TPP2: variants seen among roughly 807,000 people sequenced by gnomAD.
The protein encoded by TPP2 is tripeptidyl peptidase 2.
TPP2 carries 34 observed loss-of-function variants against 155.9 expected under a neutral mutation model. That is an observed-to-expected ratio of 0.22 (90% CI 0.17 to 0.29). The LOEUF (loss-of-function observed/expected upper bound fraction) is 0.29, where lower values mean the gene tolerates loss of function less well. Among genes scored for constraint, TPP2 ranks in the 10% least tolerant of loss-of-function variants. The probability of loss-of-function intolerance (pLI) is 1.00; values close to 1 mark genes in which losing one functional copy is unlikely to be tolerated. For synonymous variants in TPP2, 510 were observed against 529.4 expected (o/e 0.96, Z 0.50); for missense variants, 1,028 against 1,522.3 (o/e 0.68, Z 5.40).
chr13:102,635,818 AT>A lies in TPP2; in HGVS notation c.1509+117del. The A allele has an allele frequency of 1.5e-5, 12 of 782,064 alleles. No homozygotes were observed. In the South Asian group the frequency reaches 2.2e-4, roughly 14 times the overall value. 48.4% of individuals were successfully genotyped at this position (782,064 alleles called of 1,614,324 possible). The stretch of plus-strand genomic sequence containing the variant: ...ATTCAGTATATCTGAATTATGGATT[AT>A]ATGGCCATAGAACTACAAGCAAAAA... On this transcript the variant is annotated intron_variant, in intron 12 of 29. Transcript: ENST00000376052.
intron 10 of TPP2, among the ~76,000 whole-genome samples, chr13:102,633,163 C>T (rs1055403803): frequency 1.3e-5 from 2 of 152,158 alleles, no homozygotes; most frequent in African/African-American, 4.8e-5. Context: ...TCCTTCTTTA[C>T]TTGGGGCAGA....
At chr13:102,609,605 C>T (rs1880119124) in intron 2 of TPP2, among the ~76,000 whole-genome samples, 1 of 151,964 alleles carries the variant, frequency 6.6e-6, no homozygotes, top group South Asian at 2.1e-4. Context: ...CCATGTTGGC[C>T]AAGCTGGTCT....
intron 21 of TPP2, among the ~76,000 whole-genome samples, chr13:102,647,895 A>G (rs1028669850): frequency 6.6e-6 from 1 of 152,234 alleles, no homozygotes; most frequent in Non-Finnish European, 1.5e-5. Context: ...CTTAGATATT[A>G]CTGCAAAGAA....
chr13:102,625,070 G>A (rs569006452), intron 6 of TPP2, among the ~76,000 whole-genome samples: 38 of 151,492 alleles, frequency 2.5e-4, no homozygotes, highest in African/African-American at 8.7e-4. Context: ...ATGTTGGTCA[G>A]GCTAGTATCA....
Position 102,657,181 on chromosome 13 carries a change from A to G in TPP2, c.3117A>G (p.Arg1039=). 2.5e-6 allele frequency: 4 copies of G among 1,580,876 alleles called. No individual in the cohort carries two copies. Among genetic ancestry groups the G allele is most frequent in the Non-Finnish European group, 3.4e-6 (4 of 1,171,490 alleles). The change falls in exon 25 of 30, where the codon CGA becomes CGG. Residue 1039 remains arginine, a synonymous_variant. Transcript: ENST00000376052. The part of the protein sequence containing the change: ...DLKEEFTEAL[R]DLKIQWMTKL... Reference sequence around the variant, plus strand: ...AAGAAGAGTTTACTGAAGCATTACGAGATCTTAAAATTCAGTGGATGACAA... The same window carrying G: ...AAGAAGAGTTTACTGAAGCATTACGGGATCTTAAAATTCAGTGGATGACAA...
At chr13:102,623,163 T>G in intron 6 of TPP2, 123 bp downstream of exon 6, 1 of 1,054,898 alleles carries the variant, frequency 9.5e-7, no homozygotes, top group Non-Finnish European at 1.4e-6. Context: ...AAGGACTAGG[T>G]CCAGAATCAT....
intron 11 of TPP2, among the ~76,000 whole-genome samples, chr13:102,634,414 G>A (rs971166568): frequency 6.6e-6 from 1 of 152,086 alleles, no homozygotes; most frequent in African/African-American, 2.4e-5. Flanking sequence ...AACAGACTCT[G>A]AACAAAATAA....
intron 24 of TPP2, chr13:102,654,947 G>A (rs183961907): frequency 8.7e-5 from 43 of 496,932 alleles, no homozygotes; most frequent in African/African-American, 7.9e-4. Flanking sequence ...CAGGCAGCTG[G>A]GTCCTGAAAG....
rs1881671480 is a variant in TPP2, at chr13:102,627,004, G to A, written c.785-8G>A. The A allele has an allele frequency of 2.6e-6, 4 of 1,526,236 alleles. No individual in the cohort carries two copies. Among genetic ancestry groups the A allele is most frequent in the African/African-American group, 1.4e-5 (1 of 71,034 alleles). 94.5% of individuals were successfully genotyped at this position (1,526,236 alleles called of 1,614,324 possible). A position where few individuals can be genotyped will look rare whatever the true frequency, so the allele number is the denominator to read the frequency against. Reference sequence around the variant, plus strand: ...TGTTTTGTCATTTCCCCACCTTTGTGTCTCTAGGAGCTCATGGGACACATG... The same window carrying A: ...TGTTTTGTCATTTCCCCACCTTTGTATCTCTAGGAGCTCATGGGACACATG... On this transcript the variant is annotated splice_region_variant and splice_polypyrimidine_tract_variant and intron_variant, in intron 6 of 29. Coordinates refer to ENST00000376052, the MANE Select transcript of TPP2 (RefSeq NM_001330588.2).
chr13:102,634,882 G>A (rs2139502245), intron 11 of TPP2, among the ~76,000 whole-genome samples: 1 of 152,284 alleles, frequency 6.6e-6, no homozygotes, highest in South Asian at 2.1e-4. Context: ...ACTCTGCCTC[G>A]AAGTCCTGTC....
intron 27 of TPP2, among the ~76,000 whole-genome samples, chr13:102,665,605 T>C (rs906612195): frequency 2.6e-5 from 4 of 152,224 alleles, no homozygotes; most frequent in Non-Finnish European, 5.9e-5. Flanking sequence ...TTGGTCACTT[T>C]CACCCTTCCA....
intron 27 of TPP2, among the ~76,000 whole-genome samples, chr13:102,671,874 C>T (rs151112869): frequency 7.1e-4 from 108 of 151,912 alleles, no homozygotes; most frequent in African/African-American, 2.5e-3. Flanking sequence ...CCTGCGAAAC[C>T]GAGCCTCCAC....
intron 11 of TPP2, 35 bp from the exon 12 acceptor site, chr13:102,635,552 G>C: frequency 6.6e-7 from 1 of 1,524,468 alleles, no homozygotes; most frequent in Non-Finnish European, 9.0e-7. Flanking sequence ...CAGATAGTGA[G>C]TGCTACACTA....
rs1242571639 is a variant in TPP2 at position 102,623,032 on chromosome 13, C to T, written c.776C>T (p.Thr259Ile). 4 of 1,611,758 alleles carry T rather than the reference C, an allele frequency of 2.5e-6. No individual in the cohort carries two copies. In the South Asian group the frequency reaches 4.4e-5, roughly 18 times the overall value. ...GATGGAAACCTGCTCTCCATTGTGA[C>T]CAGTGGAGGTATCCCATTTCAGATT... ...YDDGNLLSIV[T>I]SGGAHGTHVA... The change falls in exon 6 of 30, where the codon ACC becomes ATC. Residue 259 changes from threonine to isoleucine, a missense_variant. Physicochemically the swap from Thr to Ile is moderately conservative, Grantham distance 89 (BLOSUM62 -1). Coordinates refer to ENST00000376052, the MANE Select transcript of TPP2 (RefSeq NM_001330588.2).
At chr13:102,607,110 A>G (rs144459304) in intron 2 of TPP2, among the ~76,000 whole-genome samples, 3 of 152,208 alleles carry the variant, frequency 2.0e-5, no homozygotes, top group African/African-American at 2.4e-5. Context: ...GCTTTCACCT[A>G]TGCTCAACCA....
intron 6 of TPP2, among the ~76,000 whole-genome samples, chr13:102,625,400 G>A (rs941598393): frequency 1.3e-5 from 2 of 151,742 alleles, no homozygotes; most frequent in Non-Finnish European, 1.5e-5. Context: ...TCCTGACCTC[G>A]TGATCCGCCC....
chr13:102,635,759 A>T, intron 12 of TPP2, 57 bp downstream of exon 12: 1 of 1,284,724 alleles, frequency 7.8e-7, no homozygotes, highest in Non-Finnish European at 1.1e-6. Context: ...AATATCTTAG[A>T]TATTATTGGG....
chr13:102,620,681 G>A lies in TPP2; in HGVS notation c.620+1835G>A, dbSNP rs111253002. ...GCCACATTTCTGCTAATTGTTTAGC[G>A]CGTATCTCTGCACTTAACGGGTGGC... On this transcript the variant is annotated intron_variant, in intron 5 of 29. Transcript: ENST00000376052. Among the ~76,000 whole-genome samples, 563 of 152,264 alleles carry A rather than the reference G, an allele frequency of 3.7e-3. 1 individual carries two copies. The highest frequency in any genetic ancestry group is 0.012 in the African/African-American group (516 of 41,546).
chr13:102,674,161 A>G, intron 27 of TPP2, 122 bp from the exon 28 acceptor site: 1 of 997,850 alleles, frequency 1.0e-6, no homozygotes, highest in Non-Finnish European at 1.5e-6. Flanking sequence ...ACGTACCTGG[A>G]TATACAGTAT....
Sources: gnomAD v4.1 joint callset for allele counts (sites outside exome capture counted in the v4.1 genomes callset) on GRCh38, gnomAD v4.1.1 for gene constraint, MANE v1.5 for transcripts, NCBI Gene and HGNC (gene_info 2026-07-23, HGNC 2026-07-21) for gene names.